CADPS2: variants seen among roughly 807,000 people sequenced by gnomAD.
The protein encoded by CADPS2 is calcium dependent secretion activator 2, also known as calcium-dependent secretion activator 2.
CADPS2 carries 93 observed loss-of-function variants against 172.5 expected under a neutral mutation model. That is an observed-to-expected ratio of 0.54 (90% CI 0.46 to 0.64). The LOEUF (loss-of-function observed/expected upper bound fraction) is 0.64, where lower values mean the gene tolerates loss of function less well. CADPS2 is among the 30% of genes least tolerant of loss of function. The pLI is 0.00. For synonymous variants in CADPS2, 546 were observed against 555.2 expected (o/e 0.98, Z 0.23); for missense variants, 1,420 against 1,565.9 (o/e 0.91, Z 1.57).
rs186372266 is a variant in CADPS2 at position 122,587,270 on chromosome 7, C to A, written c.1224-5980G>T. ...TTCCTAATACTTTTCCTCCTCCCAT[C>A]CCACCCCATGACAGGCCCCAGTGTG... On this transcript the variant is annotated intron_variant, in intron 6 of 29. Transcript: ENST00000449022. Among the ~76,000 whole-genome samples, 18 of 152,120 alleles carry A rather than the reference C, an allele frequency of 1.2e-4. No homozygotes were observed. The South Asian group carries it at 3.5e-3, about 30-fold the overall frequency.
At chr7:122,500,229 T>C (rs1299097391) in intron 9 of CADPS2, among the ~76,000 whole-genome samples, 1 of 152,186 alleles carries the variant, frequency 6.6e-6, no homozygotes. Flanking sequence ...ATTCTAACCT[T>C]GTTTGTCATT....
At chr7:122,509,466 C>T (rs565616537) in intron 9 of CADPS2, among the ~76,000 whole-genome samples, 15 of 152,292 alleles carry the variant, frequency 9.8e-5, no homozygotes, top group East Asian at 5.8e-4. Context: ...ACAACACAGA[C>T]GTCTACTCAG....
chr7:122,755,653 G>A (rs1178391564), intron 1 of CADPS2, among the ~76,000 whole-genome samples: 1 of 151,332 alleles, frequency 6.6e-6, no homozygotes, highest in Non-Finnish European at 1.5e-5. Flanking sequence ...TCCCTGAAAA[G>A]TTATGCTTGG....
chr7:122,532,605 G>C (rs1467050488), intron 8 of CADPS2, among the ~76,000 whole-genome samples: 1 of 119,314 alleles, frequency 8.4e-6, no homozygotes, highest in South Asian at 2.9e-4. Context: ...CTGAGAATTT[G>C]CATGTTCAAG....
chr7:122,466,571 T>C (rs1028822038), intron 14 of CADPS2, among the ~76,000 whole-genome samples: 1 of 152,214 alleles, frequency 6.6e-6, no homozygotes, highest in African/African-American at 2.4e-5. Context: ...TGTGGTATGT[T>C]GTCATAACAA....
At chr7:122,545,887 TG>T (rs2063568141) in intron 8 of CADPS2, among the ~76,000 whole-genome samples, 1 of 152,192 alleles carries the variant, frequency 6.6e-6, no homozygotes, top group Admixed American at 6.5e-5. Flanking sequence ...TCTAATCCAC[TG>T]TCAAAACCAT....
intron 1 of CADPS2, among the ~76,000 whole-genome samples, chr7:122,821,071 A>G (rs1054008270): frequency 6.6e-6 from 1 of 151,682 alleles, no homozygotes; most frequent in Non-Finnish European, 1.5e-5. Context: ...AGTCTCCCAC[A>G]ATTACTGTTG....
At chr7:122,367,197 T>C (rs1468382889) in intron 25 of CADPS2, among the ~76,000 whole-genome samples, 1 of 152,162 alleles carries the variant, frequency 6.6e-6, no homozygotes, top group Admixed American at 6.5e-5. Context: ...GAAACTTTAA[T>C]TACATAATCT....
chr7:122,663,344 T>G lies in CADPS2; in HGVS notation c.679A>C (p.Ser227Arg), dbSNP rs1177701567. The change falls in exon 3 of 30, where the codon AGT (serine) becomes CGT (arginine). Residue 227 changes from serine (S) to arginine (R), a missense_variant. Physicochemically the swap from Ser to Arg is moderately radical, Grantham distance 110. Transcript: ENST00000449022. ...LCKQPNRMAL[S>R]AVSELILSKE... The stretch of plus-strand genomic sequence containing the variant: ...CTCAGAATAAGTTCAGACACTGCAC[T>G]TAGGGCCATTCTATTTGGCTGTTTG... 6.2e-7 allele frequency: 1 copy of G among 1,613,996 alleles called. No homozygotes were observed. Among genetic ancestry groups the G allele is most frequent in the Admixed American group, 1.7e-5 (1 of 60,020 alleles).
rs1160893645 is a variant in CADPS2, at chr7:122,393,481, T to C, written c.2848A>G (p.Ile950Val). ...GTCTCCTGCTCAAAACCTCTGTGAA[T>C]TGACTGGGCGATGGAAGACTCCATG... Reference protein sequence around the residue: ...DLMESSIAQSIHRGFEQETWQ... With the variant: ...DLMESSIAQSVHRGFEQETWQ... The change falls in exon 21 of 30, where the codon ATT becomes GTT. Residue 950 changes from isoleucine (I) to valine (V), a missense_variant. By Grantham distance (29) the Ile-to-Val change is conservative. Coordinates refer to ENST00000449022, the MANE Select transcript of CADPS2 (RefSeq NM_017954.11). The C allele has an allele frequency of 1.2e-6, 2 of 1,613,770 alleles. No individual in the cohort carries two copies. The highest frequency in any genetic ancestry group is 1.7e-5 in the Admixed American group (1 of 59,998).
Position 122,471,421 on chromosome 7 carries a change from G to A in CADPS2, c.2140C>T (p.Leu714Phe). ...ENGAVIDPTL[L>F]HYSFAFCASH... ...GCACAGAATGCAAAGCTGTAATGGA[G>A]CAGGGTAGGGTCAATGACAGCACCA... is the stretch of plus-strand genomic sequence containing the variant. Residue 714 changes from leucine (L) to phenylalanine (F), a missense_variant, in exon 14 of 30, where the codon CTC becomes TTC. Physicochemically the swap from Leu to Phe is conservative, Grantham distance 22. Transcript: ENST00000449022. The A allele has an allele frequency of 1.2e-6, 2 of 1,613,404 alleles. No homozygotes were observed. Among genetic ancestry groups the A allele is most frequent in the Non-Finnish European group, 1.7e-6 (2 of 1,179,630 alleles).
At chr7:122,412,499 C>T (rs188931665) in intron 19 of CADPS2, among the ~76,000 whole-genome samples, 134 of 152,278 alleles carry the variant, frequency 8.8e-4, no homozygotes, top group Admixed American at 2.2e-3. Flanking sequence ...TGCACAAATA[C>T]GTGTGTTCAC....
chr7:122,850,267 C>T (rs776843236), intron 1 of CADPS2: 6 of 757,056 alleles, frequency 7.9e-6, no homozygotes, highest in Non-Finnish European at 1.2e-5. Context: ...CACTGGGGGC[C>T]CCAGGACTCC....
intron 1 of CADPS2, 120 bp from the exon 2 acceptor site, chr7:122,737,188 A>C: frequency 1.7e-6 from 1 of 594,994 alleles, no homozygotes; most frequent in Non-Finnish European, 3.0e-6. Context: ...TATAGTAAAG[A>C]AAAATAAAAG....
chr7:122,877,484 C>T (rs1326010580), intron 1 of CADPS2, among the ~76,000 whole-genome samples: 1 of 152,120 alleles, frequency 6.6e-6, no homozygotes, highest in Non-Finnish European at 1.5e-5. Flanking sequence ...ACAGATGCTT[C>T]AACTGCCTAC....
intron 15 of CADPS2, among the ~76,000 whole-genome samples, chr7:122,445,279 T>C (rs1388227059): frequency 6.6e-6 from 1 of 152,156 alleles, no homozygotes; most frequent in Non-Finnish European, 1.5e-5. Context: ...CTTGGATCCA[T>C]AGGTCAATTT....
chr7:122,680,124 C>T (rs1461649715), intron 2 of CADPS2, among the ~76,000 whole-genome samples: 2 of 152,100 alleles, frequency 1.3e-5, no homozygotes, highest in African/African-American at 4.8e-5. Context: ...GGTTAATTAC[C>T]TTTCTTGGCA....
intron 29 of CADPS2, among the ~76,000 whole-genome samples, chr7:122,323,869 TA>T (rs2033146543): frequency 9.8e-6 from 1 of 102,522 alleles, no homozygotes; most frequent in African/African-American, 3.7e-5. Context: ...TACATATGTA[TA>T]TTTTATATAT....
chr7:122,607,790 T>A (rs1305673940), intron 6 of CADPS2, among the ~76,000 whole-genome samples: 2 of 152,116 alleles, frequency 1.3e-5, no homozygotes, highest in African/African-American at 4.8e-5. Flanking sequence ...ACCAACCCTA[T>A]CGGTCTTAGA....
Sources: allele counts gnomAD v4.1 joint callset (sites outside exome capture counted in the v4.1 genomes callset), GRCh38; gene constraint gnomAD v4.1.1; transcripts MANE v1.5; gene names NCBI Gene and HGNC (gene_info 2026-07-23, HGNC 2026-07-21).